C1orf21: variants seen among roughly 807,000 people sequenced by gnomAD.
C1orf21 encodes uncharacterized protein C1orf21.
C1orf21 carries 3 observed loss-of-function variants against 18.7 expected under a neutral mutation model. The observed-to-expected ratio is 0.16, with a 90% CI of 0.07 to 0.42. The LOEUF is 0.42. C1orf21 is among the 10% of genes least tolerant of loss of function. The pLI, the probability that C1orf21 is intolerant of heterozygous loss-of-function variation, is 0.99. For missense variants in C1orf21, 104 were observed against 143.6 expected, an observed-to-expected ratio of 0.72 and a Z score of 1.41; for synonymous variants, 41 against 46.4, an observed-to-expected ratio of 0.88 and a Z score of 0.47.
At chr1:184,397,564 T>C (rs1055197087) in intron 1 of C1orf21, among the ~76,000 whole-genome samples, 4 of 150,320 alleles carry the variant, frequency 2.7e-5, no homozygotes, top group South Asian at 2.1e-4. Context: ...CCAGCCTGGG[T>C]GACAGAGTGA....
intron 3 of C1orf21, 111 bp from the exon 4 acceptor site, chr1:184,590,628 C>A (rs114750800): frequency 9.7e-7 from 1 of 1,031,096 alleles, no homozygotes; most frequent in East Asian, 2.4e-5. Context: ...GGTAACCAGC[C>A]GTAGTATAGG....
chr1:184,516,547 C>T (rs1318512643), intron 3 of C1orf21, among the ~76,000 whole-genome samples: 2 of 152,152 alleles, frequency 1.3e-5, no homozygotes, highest in Non-Finnish European at 2.9e-5. Flanking sequence ...TTAAGTTCCA[C>T]GTGGATGGGG....
chr1:184,514,481 T>C (rs1337404221), intron 3 of C1orf21, among the ~76,000 whole-genome samples: 4 of 152,142 alleles, frequency 2.6e-5, no homozygotes, highest in Admixed American at 6.6e-5. Flanking sequence ...ACCCATTAGA[T>C]TGGCAAAATG....
At chr1:184,455,607 A>AT (rs1018124638) in intron 1 of C1orf21, among the ~76,000 whole-genome samples, 8 of 152,086 alleles carry the variant, frequency 5.3e-5, no homozygotes, top group Admixed American at 1.3e-4. Context: ...GCCATCAATG[A>AT]TTACCTTTCT....
chr1:184,532,465 C>A (rs1201547199), intron 3 of C1orf21, among the ~76,000 whole-genome samples: 1 of 152,044 alleles, frequency 6.6e-6, no homozygotes, highest in African/African-American at 2.4e-5. Context: ...TTGGGAGAGG[C>A]CAGGCATTAT....
intron 3 of C1orf21, among the ~76,000 whole-genome samples, chr1:184,587,986 T>C (rs1002774316): frequency 6.6e-6 from 1 of 152,124 alleles, no homozygotes; most frequent in African/African-American, 2.4e-5. Flanking sequence ...TAATAGCCTG[T>C]GTGATGAAAT....
intron 3 of C1orf21, among the ~76,000 whole-genome samples, chr1:184,588,301 T>C (rs995706737): frequency 5.3e-5 from 8 of 152,242 alleles, no homozygotes; most frequent in Non-Finnish European, 2.9e-5. Context: ...GGAAAACTTA[T>C]ATTCACTACC....
chr1:184,481,741 G>C (rs112067996), intron 2 of C1orf21, among the ~76,000 whole-genome samples: 5 of 152,238 alleles, frequency 3.3e-5, no homozygotes, highest in African/African-American at 1.2e-4. Flanking sequence ...TAAATATTAG[G>C]AAGTTTGTGG....
intron 5 of C1orf21, among the ~76,000 whole-genome samples, chr1:184,617,728 C>G (rs1197183404): frequency 6.6e-6 from 1 of 152,094 alleles, no homozygotes; most frequent in Non-Finnish European, 1.5e-5. Flanking sequence ...CTCAGACACT[C>G]TGCAAGCGGT....
chr1:184,593,294 TACACACACATGTG>T (rs1659467123), intron 4 of C1orf21, among the ~76,000 whole-genome samples: 1 of 151,400 alleles, frequency 6.6e-6, no homozygotes, highest in Non-Finnish European at 1.5e-5. Context: ...TGTGTGTGTG[TACACACACATGTG>T]TGTATGTATT....
chr1:184,559,477 T>TCCTCCCCC (rs1658922358), intron 3 of C1orf21, among the ~76,000 whole-genome samples: 1 of 108,828 alleles, frequency 9.2e-6, no homozygotes, highest in African/African-American at 4.7e-5. Context: ...CTCCTTTCCC[T>TCCTCCCCC]CCTTCCTTCC....
chr1:184,619,660 G>A lies in C1orf21; in HGVS notation c.*104G>A. 9.8e-7 allele frequency: 1 copy of A among 1,021,840 alleles called. No homozygotes were observed. The highest frequency in any genetic ancestry group is 1.5e-6 in the Non-Finnish European group (1 of 685,800). 63.3% of individuals were successfully genotyped at this position (1,021,840 alleles called of 1,614,324 possible). A position where few individuals can be genotyped will look rare whatever the true frequency, so the allele number is the denominator to read the frequency against. On this transcript the variant is annotated 3_prime_UTR_variant, in exon 6 of 6. Coordinates refer to ENST00000235307, the MANE Select transcript of C1orf21 (RefSeq NM_030806.4). The stretch of plus-strand genomic sequence containing the variant: ...GTTCTATTCAGCGAACAGCACTATA[G>A]CAAAAGAAGATCGTTCCATATTGTA...
intron 3 of C1orf21, among the ~76,000 whole-genome samples, chr1:184,566,318 G>T (rs796220815): frequency 7.2e-5 from 11 of 152,320 alleles, no homozygotes; most frequent in African/African-American, 2.6e-4. Flanking sequence ...CTTTTGGTTT[G>T]CTGCCTCGAT....
chr1:184,432,811 A>G (rs919204015), intron 1 of C1orf21, among the ~76,000 whole-genome samples: 3 of 152,220 alleles, frequency 2.0e-5, no homozygotes, highest in South Asian at 4.1e-4. Context: ...GGCTTGCAAA[A>G]TCCTTAAGAT....
intron 5 of C1orf21, among the ~76,000 whole-genome samples, chr1:184,616,892 A>G (rs987960187): frequency 9.9e-5 from 15 of 152,128 alleles, no homozygotes; most frequent in Non-Finnish European, 1.6e-4. Context: ...TAGAAGTTTT[A>G]TTCATGTACA....
chr1:184,541,755 G>A (rs987435296), intron 3 of C1orf21, among the ~76,000 whole-genome samples: 3 of 152,186 alleles, frequency 2.0e-5, no homozygotes, highest in Admixed American at 2.0e-4. Flanking sequence ...TCATTTGCTT[G>A]ATTGGCTTTT....
At chr1:184,441,253 A>G (rs57955816) in intron 1 of C1orf21, among the ~76,000 whole-genome samples, 1 of 152,250 alleles carries the variant, frequency 6.6e-6, no homozygotes, top group East Asian at 1.9e-4. Context: ...TATATCTTTT[A>G]CTTCTCTTTC....
intron 5 of C1orf21, among the ~76,000 whole-genome samples, chr1:184,601,651 C>T (rs772892883): frequency 6.6e-6 from 1 of 152,058 alleles, no homozygotes; most frequent in Non-Finnish European, 1.5e-5. Flanking sequence ...ACCTGTAATC[C>T]CAGCACTTTG....
chr1:184,443,726 C>G (rs1178951389), intron 1 of C1orf21, among the ~76,000 whole-genome samples: 1 of 152,130 alleles, frequency 6.6e-6, no homozygotes, highest in Non-Finnish European at 1.5e-5. Flanking sequence ...TTCCCCCTAA[C>G]CACAGGGAAG....
Sources: gnomAD v4.1 joint callset for allele counts (sites outside exome capture counted in the v4.1 genomes callset) on GRCh38, gnomAD v4.1.1 for gene constraint, MANE v1.5 for transcripts, NCBI Gene and HGNC (gene_info 2026-07-23, HGNC 2026-07-21) for gene names.